FGF14: variants seen among roughly 807,000 people sequenced by gnomAD.
FGF14 encodes fibroblast growth factor 14, also known as fibroblast growth factor homologous factor 4.
A neutral mutation model predicts 25.5 loss-of-function variants in FGF14; 5 were observed. The observed-to-expected ratio is 0.20, with a 90% CI of 0.10 to 0.41. The LOEUF (loss-of-function observed/expected upper bound fraction) is 0.41. FGF14 is among the 10% of genes least tolerant of loss of function. FGF14 has a pLI of 1.00. For missense variants in FGF14, 222 were observed against 320.1 expected (o/e 0.69, Z 2.34); for synonymous variants, 138 against 118.3 (o/e 1.17, Z -1.08).
intron 1 of FGF14, among the ~76,000 whole-genome samples, chr13:102,323,458 A>C (rs576250819): frequency 4.6e-4 from 70 of 152,294 alleles, no homozygotes; most frequent in African/African-American, 1.5e-3. Context: ...AAGTTGTCTA[A>C]CCAATAAATA....
chr13:102,123,230 C>G (rs770665783), intron 1 of FGF14, among the ~76,000 whole-genome samples: 13 of 152,090 alleles, frequency 8.5e-5, no homozygotes, highest in Non-Finnish European at 1.6e-4. Flanking sequence ...ACAGAATTTT[C>G]TAGGTCATAT....
intron 1 of FGF14, among the ~76,000 whole-genome samples, chr13:102,160,980 C>T (rs562915666): frequency 4.4e-4 from 67 of 152,148 alleles, no homozygotes; most frequent in African/African-American, 1.5e-3. Flanking sequence ...TCAAGTCATG[C>T]GTGCATTTCT....
chr13:102,334,109 T>C (rs1363937248), intron 1 of FGF14, among the ~76,000 whole-genome samples: 1 of 152,196 alleles, frequency 6.6e-6, no homozygotes, highest in Non-Finnish European at 1.5e-5. Flanking sequence ...GCCCCATTAA[T>C]GAGCCACCCA....
chr13:101,931,785 C>T (rs1264412434), intron 1 of FGF14, among the ~76,000 whole-genome samples: 2 of 152,198 alleles, frequency 1.3e-5, no homozygotes, highest in Non-Finnish European at 2.9e-5. Context: ...ATCTGTACCT[C>T]GCAAAGCACC....
chr13:102,181,252 C>T (rs764547483), intron 1 of FGF14, among the ~76,000 whole-genome samples: 1 of 152,116 alleles, frequency 6.6e-6, no homozygotes, highest in Non-Finnish European at 1.5e-5. Flanking sequence ...TCTCCGAAGA[C>T]GTCCATGCCC....
intron 1 of FGF14, among the ~76,000 whole-genome samples, chr13:102,319,658 G>A (rs146064511): frequency 5.3e-5 from 8 of 152,350 alleles, no homozygotes; most frequent in African/African-American, 1.9e-4. Context: ...AAGTCTGAAT[G>A]TAAAGAAGTT....
At chr13:101,829,263 A>G (rs2042556458) in intron 3 of FGF14, among the ~76,000 whole-genome samples, 1 of 152,148 alleles carries the variant, frequency 6.6e-6, no homozygotes, top group South Asian at 2.1e-4. Flanking sequence ...AAAGATGCAG[A>G]TGTCAAAGAG....
chr13:101,952,971 T>C (rs905560350), intron 1 of FGF14, among the ~76,000 whole-genome samples: 1 of 152,084 alleles, frequency 6.6e-6, no homozygotes, highest in African/African-American at 2.4e-5. Flanking sequence ...GAGGTAGAGG[T>C]TGCAGTGAGC....
intron 1 of FGF14, among the ~76,000 whole-genome samples, chr13:101,938,307 G>A (rs555859784): frequency 1.1e-4 from 17 of 152,346 alleles, no homozygotes; most frequent in Admixed American, 9.1e-4. Flanking sequence ...TTGGCATAGA[G>A]AGGGCTGTCT....
At chr13:101,872,956 C>T (rs2045188934) in intron 2 of FGF14, among the ~76,000 whole-genome samples, 1 of 151,818 alleles carries the variant, frequency 6.6e-6, no homozygotes, top group Non-Finnish European at 1.5e-5. Flanking sequence ...CTGTGTCTCA[C>T]TAGCATTTAG....
At chr13:101,927,897 C>T (rs1408089090) in intron 1 of FGF14, among the ~76,000 whole-genome samples, 1 of 152,184 alleles carries the variant, frequency 6.6e-6, no homozygotes. Flanking sequence ...GAGACTCAGA[C>T]AGGAATAGTC....
intron 3 of FGF14, among the ~76,000 whole-genome samples, chr13:101,746,040 T>C (rs1430006445): frequency 1.3e-5 from 2 of 151,954 alleles, no homozygotes; most frequent in Non-Finnish European, 2.9e-5. Context: ...AGGAAGAAAA[T>C]AAATATGTAT....
intron 1 of FGF14, among the ~76,000 whole-genome samples, chr13:102,120,524 T>A (rs2045671439): frequency 6.6e-6 from 1 of 152,042 alleles, no homozygotes; most frequent in African/African-American, 2.4e-5. Flanking sequence ...GAAGAGAAAG[T>A]AATTTTGGAA....
chr13:101,722,898 C>T lies in FGF14; in HGVS notation c.677G>A (p.Ser226Asn), dbSNP rs747756016. Residue 226 changes from serine to asparagine, a missense_variant, in exon 5 of 5, where the codon AGT (serine) becomes AAT (asparagine). Physicochemically the swap from Ser to Asn is conservative, Grantham distance 46. Around this residue, in one of 5 missense-constraint regions of FGF14, gnomAD observed 66 missense variants for 90.3 expected, o/e 0.73. Transcript: ENST00000376143. ...TATTGCAGACGCACTTGTGCTTTTACTTGGCGTCACCCCAGGCTTCGGGAC... is the reference window on the plus strand; with the variant it reads ...TATTGCAGACGCACTTGTGCTTTTATTTGGCGTCACCCCAGGCTTCGGGAC... Reference protein sequence around the residue: ...ETVPKPGVTPSKSTSASAIMN... With the variant: ...ETVPKPGVTPNKSTSASAIMN... The T allele has an allele frequency of 6.2e-7, 1 of 1,613,240 alleles. No individual in the cohort carries two copies. Among genetic ancestry groups the T allele is most frequent in the African/African-American group, 1.3e-5 (1 of 74,836 alleles).
chr13:101,927,381 C>T (rs1470446891), intron 1 of FGF14, among the ~76,000 whole-genome samples: 1 of 152,220 alleles, frequency 6.6e-6, no homozygotes, highest in East Asian at 1.9e-4. Flanking sequence ...GTCAGCTGTG[C>T]TCAGGAGAGG....
chr13:102,102,911 C>T (rs2044727457), intron 1 of FGF14, among the ~76,000 whole-genome samples: 1 of 152,154 alleles, frequency 6.6e-6, no homozygotes, highest in South Asian at 2.1e-4. Flanking sequence ...ATTCTTGGGC[C>T]AGCTTCCAAG....
chr13:102,097,589 C>T (rs927123740), intron 1 of FGF14, among the ~76,000 whole-genome samples: 1 of 152,112 alleles, frequency 6.6e-6, no homozygotes, highest in Non-Finnish European at 1.5e-5. Flanking sequence ...CTTAGACTGA[C>T]GCAGTAACAC....
chr13:101,755,930 C>T (rs2139869956), intron 3 of FGF14, among the ~76,000 whole-genome samples: 1 of 152,148 alleles, frequency 6.6e-6, no homozygotes, highest in African/African-American at 2.4e-5. Flanking sequence ...GAAAAAGTAC[C>T]TAATCTTAAA....
intron 1 of FGF14, among the ~76,000 whole-genome samples, chr13:102,152,974 G>A (rs1397516825): frequency 6.6e-6 from 1 of 152,132 alleles, no homozygotes; most frequent in Admixed American, 6.6e-5. Context: ...ACCGTGGCAG[G>A]CCCAGGTCCT....
Sources: allele counts gnomAD v4.1 joint callset (sites outside exome capture counted in the v4.1 genomes callset), GRCh38; gene constraint gnomAD v4.1.1; regional missense constraint gnomAD v4.1.1; transcripts MANE v1.5; gene names NCBI Gene and HGNC (gene_info 2026-07-23, HGNC 2026-07-21).